PAGR1: variants seen among roughly 807,000 people sequenced by gnomAD.
PAGR1 encodes the protein PAXIP1-associated glutamate-rich protein 1.
Under a neutral mutation model 22.4 loss-of-function variants are expected in PAGR1, and 20 were observed. The ratio of observed to expected loss-of-function variants is 0.89; its 90% CI spans 0.63 to 1.30. The LOEUF (loss-of-function observed/expected upper bound fraction) is 1.30, where lower values mean the gene tolerates loss of function less well. PAGR1 is among the 50% of genes most tolerant of loss of function. The probability of loss-of-function intolerance (pLI) is 0.00; values close to 1 mark genes in which losing one functional copy is unlikely to be tolerated. For missense variants in PAGR1, 338 were observed against 343.6 expected (o/e 0.98, Z 0.13); for synonymous variants, 161 against 148.3 (o/e 1.09, Z -0.62).
intron 2 of PAGR1, among the ~76,000 whole-genome samples, chr16:29,819,184 G>A (rs1018957164): frequency 6.6e-6 from 1 of 151,968 alleles, no homozygotes; most frequent in Non-Finnish European, 1.5e-5. Flanking sequence ...GGCCAGGCTG[G>A]TCTCAAACTC....
intron 2 of PAGR1, 125 bp downstream of exon 2, chr16:29,817,417 G>A: frequency 1.5e-6 from 1 of 686,832 alleles, no homozygotes; most frequent in Non-Finnish European, 2.5e-6. Context: ...GCAGGAGAGA[G>A]TATTCACCCA....
chr16:29,817,382 C>G (rs1424417621), intron 2 of PAGR1, 90 bp downstream of exon 2: 5 of 1,238,970 alleles, frequency 4.0e-6, no homozygotes, highest in Non-Finnish European at 4.7e-6. Flanking sequence ...TGCTTGCTGC[C>G]TCAGCTCCCA....
In PAGR1 at chr16:29,820,143, A is replaced by T. The variant is rs1180233972; in HGVS notation, c.*389A>T. On this transcript the variant is annotated 3_prime_UTR_variant, in exon 3 of 3. Transcript: ENST00000320330. ...GGAGGGGCTGTAGCTGTAGCTCAAC[A>T]GTTAGGCCCCACTTGAAGGGAGAGG... 1 of 172,734 alleles carries T rather than the reference A, an allele frequency of 5.8e-6. No homozygotes were observed. Among genetic ancestry groups the T allele is most frequent in the Non-Finnish European group, 1.2e-5 (1 of 80,896 alleles). 10.7% of individuals were successfully genotyped at this position (172,734 alleles called of 1,614,324 possible). A position where few individuals can be genotyped will look rare whatever the true frequency, so the allele number is the denominator to read the frequency against.
Position 29,820,610 on chromosome 16 carries a change from T to G in PAGR1, c.*856T>G, listed in dbSNP as rs1446448294. 2.0e-5 allele frequency: 3 copies of G among 152,370 alleles called. No individual in the cohort carries two copies. Among genetic ancestry groups the G allele is most frequent in the Non-Finnish European group, 4.4e-5 (3 of 68,164 alleles). 9.4% of individuals were successfully genotyped at this position (152,370 alleles called of 1,614,324 possible). ...CCTGTCTTGCTTTGAAGGGCCTTGC[T>G]TCTGCTGGGGCAGGGAAAACATGTC... On this transcript the variant is annotated 3_prime_UTR_variant, in exon 3 of 3. Coordinates refer to ENST00000320330, the MANE Select transcript of PAGR1 (RefSeq NM_024516.4).
Position 29,816,678 on chromosome 16 carries a change from A to G in PAGR1, c.153A>G (p.Glu51=). The G allele has an allele frequency of 6.3e-7, 1 of 1,596,294 alleles. No individual in the cohort carries two copies. The highest frequency in any genetic ancestry group is 2.3e-5 in the East Asian group (1 of 44,436). The change falls in exon 1 of 3, where the codon GAA becomes GAG. Residue 51 remains glutamate (E), a synonymous_variant. Transcript: ENST00000320330. ...CCGGTAAGGCCGAGGACGAGGGGGA[A>G]GGAGGCCGAGAGGAGACCGAGCGTG... ...ASAGKAEDEG[E]GGREETEREG...
Position 29,816,419 on chromosome 16 carries a change from G to T in PAGR1, c.-107G>T. 8.5e-7 allele frequency: 1 copy of T among 1,177,398 alleles called. No individual in the cohort carries two copies. The highest frequency in any genetic ancestry group is 1.1e-6 in the Non-Finnish European group (1 of 908,370). The allele number at this position is 1,177,398 out of a possible 1,614,324, so 72.9% of individuals were successfully genotyped here. ...TGGCCGCGGAGTCCCCTGCGGGAGC[G>T]TGATTGGCTGGAAACGGTCCCGAAC... On this transcript the variant is annotated 5_prime_UTR_variant, in exon 1 of 3. Transcript: ENST00000320330.
rs1244843375 is a variant in PAGR1 at position 29,816,905 on chromosome 16, T to A, written c.380T>A (p.Leu127Gln). 1 of 1,561,376 alleles carries A rather than the reference T, an allele frequency of 6.4e-7. No individual in the cohort carries two copies. The highest frequency in any genetic ancestry group is 1.4e-5 in the African/African-American group (1 of 73,762). The change falls in exon 1 of 3, where the codon CTG becomes CAG. Residue 127 changes from leucine (L) to glutamine (Q), a missense_variant. Coordinates refer to ENST00000320330, the MANE Select transcript of PAGR1 (RefSeq NM_024516.4). ...CTGGCTGCCCACGGTACTCTGGAGC[T>A]GCAAGCCGAGATCCTGCCCCGCCGG... ...ELLAAHGTLE[L>Q]QAEILPRRPP...
chr16:29,817,332 C>CTCGGCTCAGTTACCCAAGA (rs1309676001), intron 2 of PAGR1, 40 bp downstream of exon 2: 3 of 1,600,880 alleles, frequency 1.9e-6, no homozygotes, highest in Non-Finnish European at 2.6e-6. Flanking sequence ...GGTGAAGGGC[C>CTCGGCTCAGTTACCCAAGA]TCGGCTCAGT....
chr16:29,820,826 C>T lies in PAGR1; in HGVS notation c.*1072C>T, dbSNP rs1432359858. The stretch of plus-strand genomic sequence containing the variant: ...CTGGGAAATCAGGTGGGGAACCTTA[C>T]AGGGTCATTCAGACCCCATCTTAGC... On this transcript the variant is annotated 3_prime_UTR_variant, in exon 3 of 3. Coordinates refer to ENST00000320330, the MANE Select transcript of PAGR1 (RefSeq NM_024516.4). 6.6e-6 allele frequency: 1 copy of T among 152,242 alleles called. No homozygotes were observed. The highest frequency in any genetic ancestry group is 1.5e-5 in the Non-Finnish European group (1 of 68,096). 9.4% of individuals were successfully genotyped at this position (152,242 alleles called of 1,614,324 possible). A position where few individuals can be genotyped will look rare whatever the true frequency, so the allele number is the denominator to read the frequency against.
intron 2 of PAGR1, among the ~76,000 whole-genome samples, chr16:29,817,832 A>C (rs1174149885): frequency 1.3e-5 from 2 of 151,750 alleles, no homozygotes; most frequent in Non-Finnish European, 2.9e-5. Context: ...AGTGGCGGGC[A>C]CCTGTAGTCC....
chr16:29,817,368 C>T (rs934862545), intron 2 of PAGR1, 76 bp downstream of exon 2: 1 of 1,407,872 alleles, frequency 7.1e-7, no homozygotes, highest in Non-Finnish European at 9.9e-7. Context: ...CCCCTAGAGG[C>T]CTTTGCTTGC....
At chr16:29,818,565 T>C (rs1293050364) in intron 2 of PAGR1, 1 of 152,182 alleles carries the variant, frequency 6.6e-6, no homozygotes, top group Non-Finnish European at 1.5e-5. Context: ...ATAAATCATA[T>C]CACTTTTTTT....
intron 1 of PAGR1, 31 bp from the exon 2 acceptor site, chr16:29,817,179 C>T (rs1248432934): frequency 1.2e-6 from 2 of 1,613,728 alleles, no homozygotes; most frequent in Admixed American, 3.3e-5. Context: ...GGAGGACCGC[C>T]CTCACCCTTA....
rs1224502841 is a variant in PAGR1, at chr16:29,816,586, G to A, written c.61G>A (p.Glu21Lys). The A allele has an allele frequency of 2.6e-6, 4 of 1,515,396 alleles. No homozygotes were observed. In the East Asian group the frequency reaches 6.8e-5, roughly 26 times the overall value. The allele number at this position is 1,515,396 out of a possible 1,614,324, so 93.9% of individuals were successfully genotyped here. Residue 21 changes from glutamate (E) to lysine (K), a missense_variant, in exon 1 of 3, where the codon GAA (glutamate) becomes AAA (lysine). Physicochemically the swap from Glu to Lys is moderately conservative, Grantham distance 56. Transcript: ENST00000320330. ...AASTAAPLSE[E>K]GEVTSGLQAL... ...CAGTACGGCGGCGCCTCTGTCTGAA[G>A]AAGGGGAAGTGACCTCCGGCCTCCA... is the stretch of plus-strand genomic sequence containing the variant.
rs1230722822 is a variant in PAGR1, at chr16:29,821,326, G to C, written c.*1572G>C. On this transcript the variant is annotated 3_prime_UTR_variant, in exon 3 of 3. Transcript: ENST00000320330. Reference sequence around the variant, plus strand: ...GCCAGAAACTCCCTTGGCACACAGAGCACTGGGTCGGCCCTCGGGTGTGGC... The same window carrying C: ...GCCAGAAACTCCCTTGGCACACAGACCACTGGGTCGGCCCTCGGGTGTGGC... 2 of 152,346 alleles carry C rather than the reference G, an allele frequency of 1.3e-5. No homozygotes were observed. Among genetic ancestry groups the C allele is most frequent in the Non-Finnish European group, 2.9e-5 (2 of 68,162 alleles). 9.4% of individuals were successfully genotyped at this position (152,346 alleles called of 1,614,324 possible).
Position 29,816,154 on chromosome 16 carries a change from G to A in PAGR1, c.-372G>A. 3.1e-6 allele frequency: 1 copy of A among 319,352 alleles called. No homozygotes were observed. The highest frequency in any genetic ancestry group is 5.7e-6 in the Non-Finnish European group (1 of 175,522). The allele number at this position is 319,352 out of a possible 1,614,324, so 19.8% of individuals were successfully genotyped here. On this transcript the variant is annotated 5_prime_UTR_variant, in exon 1 of 3. In the 5' UTR this introduces an upstream ATG that the reference lacks. Coordinates refer to ENST00000320330, the MANE Select transcript of PAGR1 (RefSeq NM_024516.4). ...CCTGGGAGGCGGGTCTTAGCTCCAG[G>A]TGCGTACGGCATCTGACTTGACGTG...
In PAGR1 at chr16:29,816,827, A is replaced by C. The variant is rs758354996; in HGVS notation, c.302A>C (p.Asp101Ala). The C allele has an allele frequency of 1.9e-6, 3 of 1,563,086 alleles. No homozygotes were observed. Among genetic ancestry groups the C allele is most frequent in the East Asian group, 2.4e-5 (1 of 41,952 alleles). ...GACGAGGAGGTGGAGCTGCCTGCGG[A>C]TGGGCAGCCCTGGATGCCCCCGCCC... ...CSDEEVELPA[D>A]GQPWMPPPSE... is the part of the protein sequence containing the mutation. Residue 101 changes from aspartate to alanine, a missense_variant, in exon 1 of 3, where the codon GAT becomes GCT. This residue lies in a region of PAGR1 where 235 missense variants were observed against 216.0 expected (regional missense o/e 1.09). Coordinates refer to ENST00000320330, the MANE Select transcript of PAGR1 (RefSeq NM_024516.4).
Position 29,821,254 on chromosome 16 carries a change from G to A in PAGR1, c.*1500G>A, listed in dbSNP as rs567731333. 6.6e-6 allele frequency: 1 copy of A among 152,466 alleles called. No homozygotes were observed. Among genetic ancestry groups the A allele is most frequent in the Admixed American group, 6.5e-5 (1 of 15,302 alleles). 9.4% of individuals were successfully genotyped at this position (152,466 alleles called of 1,614,324 possible). The stretch of plus-strand genomic sequence containing the variant: ...CAGCTCTCTGCCTGGGTAGCCCCTG[G>A]GTGATGGGGGAGAGGCCAGCTGTCA... On this transcript the variant is annotated 3_prime_UTR_variant, in exon 3 of 3. Transcript: ENST00000320330.
chr16:29,819,299 T>C (rs537960311), intron 2 of PAGR1: 2 of 507,594 alleles, frequency 3.9e-6, no homozygotes, highest in Admixed American at 6.7e-5. Context: ...TCTGTTCTTG[T>C]CCTGGGGCCT....
Sources: allele counts gnomAD v4.1 joint callset (sites outside exome capture counted in the v4.1 genomes callset), GRCh38; gene constraint gnomAD v4.1.1; regional missense constraint gnomAD v4.1.1; transcripts MANE v1.5; gene names NCBI Gene and HGNC (gene_info 2026-07-23, HGNC 2026-07-21).